LRBA: variants seen among roughly 807,000 people sequenced by gnomAD.
LRBA encodes the protein LPS responsive beige-like anchor protein.
In LRBA, 176 loss-of-function variants were observed where a neutral mutation model predicts 330.0. The observed-to-expected ratio is 0.53, with a 90% CI of 0.47 to 0.60. The LOEUF (loss-of-function observed/expected upper bound fraction) is 0.60, where lower values mean the gene tolerates loss of function less well. LRBA is among the 20% of genes least tolerant of loss of function. The probability of loss-of-function intolerance (pLI) is 0.00; values close to 1 mark genes in which losing one functional copy is unlikely to be tolerated. For missense variants in LRBA, 3,259 were observed against 3,444.8 expected, an observed-to-expected ratio of 0.95 and a Z score of 1.35; for synonymous variants, 1,230 against 1,193.0, an observed-to-expected ratio of 1.03 and a Z score of -0.64.
intron 37 of LRBA, among the ~76,000 whole-genome samples, chr4:150,670,223 T>C (rs1248003282): frequency 6.6e-6 from 1 of 152,232 alleles, no homozygotes; most frequent in Non-Finnish European, 1.5e-5. Flanking sequence ...AAGATGATTT[T>C]TCTACATCTA....
At position 150,616,182 on chromosome 4, in the gene LRBA, G is replaced by A. The variant is rs529230795; in HGVS notation, c.5922-17051C>T. Among the ~76,000 whole-genome samples the A allele has an allele frequency of 3.9e-5, 6 of 152,256 alleles. No homozygotes were observed. In the East Asian group the frequency reaches 1.2e-3, roughly 29 times the overall value. On this transcript the variant is annotated intron_variant, in intron 37 of 56. Coordinates refer to ENST00000651943, the MANE Select transcript of LRBA (RefSeq NM_001364905.1). ...GGAGTTCAAAGGAAAGAACCTGACA[G>A]GATATATAATTCGAGAGACATTGAT... is the stretch of plus-strand genomic sequence containing the variant.
chr4:150,833,775 A>G (rs765606301), intron 28 of LRBA, among the ~76,000 whole-genome samples: 1 of 151,984 alleles, frequency 6.6e-6, no homozygotes, highest in Non-Finnish European at 1.5e-5. Context: ...ACTTTGCCAC[A>G]TTAACTGAAT....
intron 36 of LRBA, among the ~76,000 whole-genome samples, chr4:150,725,885 GTTTC>G (rs901020995): frequency 2.6e-5 from 4 of 152,140 alleles, no homozygotes; most frequent in African/African-American, 9.7e-5. Context: ...TTGTGTGTTT[GTTTC>G]TTTATGCAAT....
intron 42 of LRBA, among the ~76,000 whole-genome samples, chr4:150,484,440 T>A (rs983208967): frequency 7.2e-5 from 11 of 151,956 alleles, no homozygotes; most frequent in African/African-American, 2.7e-4. Flanking sequence ...TTTAGTAGCA[T>A]AAATTTGTTC....
intron 33 of LRBA, among the ~76,000 whole-genome samples, chr4:150,804,572 T>G (rs1376339885): frequency 6.6e-6 from 1 of 152,204 alleles, no homozygotes; most frequent in Non-Finnish European, 1.5e-5. Context: ...TCCTAGCTAC[T>G]GTTAGTCAAC....
chr4:150,964,738 T>A (rs1424187564), intron 2 of LRBA, among the ~76,000 whole-genome samples: 6 of 152,014 alleles, frequency 3.9e-5, no homozygotes, highest in Non-Finnish European at 7.4e-5. Context: ...TGTTCACATG[T>A]TTATCTGCTG....
rs536351887 is a variant in LRBA at position 150,451,203 on chromosome 4, C to A, written c.6781-14339G>T. ...AGACATGAGCAACGACATCTTCAAC[C>A]AATTTTACTTAATTGATATTTATAG... On this transcript the variant is annotated intron_variant, in intron 44 of 56. Transcript: ENST00000651943. Among the ~76,000 whole-genome samples the A allele has an allele frequency of 3.9e-5, 6 of 152,234 alleles. No individual in the cohort carries two copies. The East Asian group carries it at 9.6e-4, about 24-fold the overall frequency.
At chr4:150,863,830 T>C (rs1752308497) in intron 22 of LRBA, among the ~76,000 whole-genome samples, 1 of 152,220 alleles carries the variant, frequency 6.6e-6, no homozygotes, top group Admixed American at 6.5e-5. Context: ...AACTCCTTTA[T>C]TTTGTATATA....
chr4:150,273,425 T>C (rs1023842321), intron 56 of LRBA, among the ~76,000 whole-genome samples: 4 of 152,142 alleles, frequency 2.6e-5, no homozygotes, highest in African/African-American at 7.2e-5. Flanking sequence ...AATAACCAGC[T>C]AGCATCATAA....
At chr4:150,498,181 T>C (rs1406757872) in intron 40 of LRBA, among the ~76,000 whole-genome samples, 1 of 152,226 alleles carries the variant, frequency 6.6e-6, no homozygotes, top group African/African-American at 2.4e-5. Flanking sequence ...CACAGATTTA[T>C]GGCAAACTGA....
intron 40 of LRBA, among the ~76,000 whole-genome samples, chr4:150,536,399 T>G (rs1764659643): frequency 6.6e-6 from 1 of 152,228 alleles, no homozygotes; most frequent in Non-Finnish European, 1.5e-5. Context: ...AGGAATGGAC[T>G]GTTGGGTACC....
intron 37 of LRBA, among the ~76,000 whole-genome samples, chr4:150,643,547 T>C (rs1778872329): frequency 1.3e-5 from 2 of 151,934 alleles, no homozygotes; most frequent in Non-Finnish European, 2.9e-5. Flanking sequence ...ATGAAGAACA[T>C]GTGCAGAAGT....
chr4:150,789,251 C>T (rs116185646), intron 34 of LRBA, among the ~76,000 whole-genome samples: 2,172 of 152,142 alleles, frequency 0.014, 32 homozygotes, highest in Non-Finnish European at 0.025. Flanking sequence ...TACTAGAAAA[C>T]CAAATAAATT....
At chr4:150,348,898 A>G (rs1443534151) in intron 48 of LRBA, among the ~76,000 whole-genome samples, 1 of 152,168 alleles carries the variant, frequency 6.6e-6, no homozygotes, top group Non-Finnish European at 1.5e-5. Flanking sequence ...TGTGTCATAC[A>G]GTCAATTGAT....
In LRBA at chr4:150,998,368, A is replaced by G. The variant is rs538043268; in HGVS notation, c.216+16059T>C. Among the ~76,000 whole-genome samples the G allele has an allele frequency of 5.9e-3, 887 of 151,466 alleles. 6 individuals are homozygous for G. The highest frequency in any genetic ancestry group is 9.2e-3 in the Non-Finnish European group (623 of 67,844). On this transcript the variant is annotated intron_variant, in intron 2 of 56. Transcript: ENST00000651943. ...AACTCCGTCTCAAAAAAAAAAAAAA[A>G]AGAGAGATAGGGTCTCATTCTGTCG...
At chr4:150,813,502 A>C (rs1416703660) in intron 31 of LRBA, among the ~76,000 whole-genome samples, 2 of 152,142 alleles carry the variant, frequency 1.3e-5, no homozygotes, top group Admixed American at 1.3e-4. Context: ...TTACAGTCTT[A>C]ATAATGTATA....
At chr4:150,674,120 T>C (rs985272888) in intron 37 of LRBA, among the ~76,000 whole-genome samples, 1 of 152,004 alleles carries the variant, frequency 6.6e-6, no homozygotes, top group African/African-American at 2.4e-5. Context: ...ATCCATTTTA[T>C]ATATTGGGGT....
chr4:150,565,595 C>T (rs1769023228), intron 40 of LRBA, among the ~76,000 whole-genome samples: 1 of 151,996 alleles, frequency 6.6e-6, no homozygotes, highest in African/African-American at 2.4e-5. Flanking sequence ...AATTAGTATA[C>T]ATTTTAAATA....
chr4:150,805,379 G>A (rs1183530932), intron 33 of LRBA, among the ~76,000 whole-genome samples: 2 of 97,996 alleles, frequency 2.0e-5, no homozygotes, highest in Non-Finnish European at 3.9e-5. Context: ...AGGAAGGGAA[G>A]GGAAAAGGAA....
Sources: gnomAD v4.1 joint callset for allele counts (sites outside exome capture counted in the v4.1 genomes callset) on GRCh38, gnomAD v4.1.1 for gene constraint, MANE v1.5 for transcripts, NCBI Gene and HGNC (gene_info 2026-07-23, HGNC 2026-07-21) for gene names.